MACROD2: variants seen among roughly 807,000 people sequenced by gnomAD.
MACROD2 encodes the protein ADP-ribose glycohydrolase MACROD2.
Under a neutral mutation model 70.4 loss-of-function variants are expected in MACROD2, and 36 were observed. That is an observed-to-expected ratio of 0.51 (90% confidence interval 0.39 to 0.68). The LOEUF (loss-of-function observed/expected upper bound fraction) is 0.68. Among genes scored for constraint, MACROD2 ranks in the 30% least tolerant of loss-of-function variants. MACROD2 has a pLI of 0.00. For missense variants in MACROD2, 496 were observed against 538.4 expected (o/e 0.92, Z 0.78); for synonymous variants, 172 against 178.8 (o/e 0.96, Z 0.30).
chr20:15,867,910 G>A (rs1261513371), intron 9 of MACROD2, among the ~76,000 whole-genome samples: 1 of 152,244 alleles, frequency 6.6e-6, no homozygotes, highest in South Asian at 2.1e-4. Flanking sequence ...GAGCGATTTT[G>A]CCCTCCTGGG....
intron 7 of MACROD2, among the ~76,000 whole-genome samples, chr20:15,495,472 G>A (rs1475332014): frequency 6.6e-6 from 1 of 152,178 alleles, no homozygotes; most frequent in African/African-American, 2.4e-5. Flanking sequence ...GGGATGAAAA[G>A]GGATATTCTG....
intron 8 of MACROD2, among the ~76,000 whole-genome samples, chr20:15,735,024 G>A (rs750332832): frequency 2.0e-5 from 3 of 152,042 alleles, no homozygotes; most frequent in African/African-American, 4.8e-5. Flanking sequence ...GCAGTGGTGC[G>A]ATCTCGGTTC....
At chr20:16,030,429 C>T (rs1326003228) in intron 15 of MACROD2, among the ~76,000 whole-genome samples, 1 of 152,170 alleles carries the variant, frequency 6.6e-6, no homozygotes. Flanking sequence ...GTGGCATACA[C>T]ATCACCCTGC....
chr20:14,163,330 G>C (rs950928284), intron 3 of MACROD2, among the ~76,000 whole-genome samples: 15 of 151,942 alleles, frequency 9.9e-5, no homozygotes, highest in Non-Finnish European at 2.1e-4. Context: ...AGTCTGATGG[G>C]GATTCCTTTA....
At chr20:14,295,967 T>C (rs1471400528) in intron 3 of MACROD2, among the ~76,000 whole-genome samples, 1 of 151,940 alleles carries the variant, frequency 6.6e-6, no homozygotes, top group African/African-American at 2.4e-5. Flanking sequence ...TTACTCAGGC[T>C]GATTCTACTT....
intron 8 of MACROD2, among the ~76,000 whole-genome samples, chr20:15,586,972 G>T (rs1453341662): frequency 1.3e-5 from 2 of 152,138 alleles, no homozygotes; most frequent in Non-Finnish European, 2.9e-5. Flanking sequence ...TTCTTGAGTG[G>T]CAAGACTCAA....
intron 5 of MACROD2, among the ~76,000 whole-genome samples, chr20:14,696,139 T>C (rs1274806726): frequency 3.9e-5 from 6 of 152,094 alleles, no homozygotes; most frequent in Non-Finnish European, 8.8e-5. Context: ...GCATATTACA[T>C]TGGAAAAACT....
At chr20:14,921,548 G>A (rs116253334) in intron 5 of MACROD2, among the ~76,000 whole-genome samples, 26 of 152,260 alleles carry the variant, frequency 1.7e-4, no homozygotes, top group African/African-American at 3.9e-4. Context: ...TGGCGTCTTT[G>A]TTAGTCATTG....
At chr20:14,064,646 C>G (rs575379206) in intron 2 of MACROD2, among the ~76,000 whole-genome samples, 1 of 152,136 alleles carries the variant, frequency 6.6e-6, no homozygotes, top group Non-Finnish European at 1.5e-5. Flanking sequence ...TTAGTTCAGG[C>G]GAAGATTATT....
intron 4 of MACROD2, among the ~76,000 whole-genome samples, chr20:14,595,635 A>G (rs1298444647): frequency 6.6e-6 from 1 of 152,206 alleles, no homozygotes; most frequent in Non-Finnish European, 1.5e-5. Flanking sequence ...ACAGCTTTGC[A>G]TGTATGTCGA....
At chr20:14,520,986 C>CA (rs1236357994) in intron 4 of MACROD2, among the ~76,000 whole-genome samples, 1 of 151,808 alleles carries the variant, frequency 6.6e-6, no homozygotes, top group African/African-American at 2.4e-5. Context: ...CACACACACA[C>CA]CCCCCAAATA....
intron 4 of MACROD2, among the ~76,000 whole-genome samples, chr20:14,587,988 C>T (rs769034832): frequency 2.6e-5 from 4 of 152,008 alleles, no homozygotes; most frequent in Admixed American, 6.6e-5. Context: ...GGGAAAAGGA[C>T]CATACTTTTC....
At chr20:15,088,024 A>T (rs1165749962) in intron 5 of MACROD2, among the ~76,000 whole-genome samples, 1 of 151,968 alleles carries the variant, frequency 6.6e-6, no homozygotes, top group South Asian at 2.1e-4. Flanking sequence ...CATGCCAGGT[A>T]ACATGTAGGG....
chr20:14,250,453 T>C (rs1299678758), intron 3 of MACROD2, among the ~76,000 whole-genome samples: 2 of 152,156 alleles, frequency 1.3e-5, no homozygotes, highest in African/African-American at 4.8e-5. Flanking sequence ...ACTTACCTAC[T>C]ACCCTCCATG....
intron 6 of MACROD2, among the ~76,000 whole-genome samples, chr20:15,389,430 A>G (rs1354938884): frequency 6.6e-6 from 1 of 152,180 alleles, no homozygotes; most frequent in African/African-American, 2.4e-5. Context: ...TTACAGAAAG[A>G]AAAATTTAAC....
chr20:15,534,183 A>C (rs1341943922), intron 8 of MACROD2, among the ~76,000 whole-genome samples: 1 of 152,186 alleles, frequency 6.6e-6, no homozygotes, highest in East Asian at 1.9e-4. Context: ...ACCTTCCTTG[A>C]AAAGAGACAC....
intron 5 of MACROD2, among the ~76,000 whole-genome samples, chr20:14,787,477 C>A (rs1467221735): frequency 6.6e-6 from 1 of 152,058 alleles, no homozygotes; most frequent in Non-Finnish European, 1.5e-5. Context: ...GGTAAGTTGA[C>A]AGGACCAGGA....
intron 5 of MACROD2, among the ~76,000 whole-genome samples, chr20:15,202,747 T>A (rs539364631): frequency 3.0e-4 from 46 of 152,296 alleles, no homozygotes; most frequent in Middle Eastern, 6.8e-3. Flanking sequence ...TATTATGATA[T>A]TTTATCTACC....
chr20:15,653,058 C>G (rs1011588932), intron 8 of MACROD2, among the ~76,000 whole-genome samples: 2 of 152,070 alleles, frequency 1.3e-5, no homozygotes, highest in Non-Finnish European at 2.9e-5. Flanking sequence ...TTAGAAAAGA[C>G]AAAAGTAAAA....
Sources: gnomAD v4.1 joint callset for allele counts (sites outside exome capture counted in the v4.1 genomes callset) on GRCh38, gnomAD v4.1.1 for gene constraint, MANE v1.5 for transcripts, NCBI Gene and HGNC (gene_info 2026-07-23, HGNC 2026-07-21) for gene names.